The following GRIK4 variants were observed in gnomAD, a reference collection of about 807,000 sequenced individuals.
GRIK4 encodes the protein glutamate receptor ionotropic, kainate 4.
A neutral mutation model predicts 104.9 loss-of-function variants in GRIK4; 40 were observed. The ratio of observed to expected loss-of-function variants is 0.38; its 90% CI spans 0.30 to 0.50. The LOEUF (loss-of-function observed/expected upper bound fraction) is 0.50, where lower values mean the gene tolerates loss of function less well. Among genes scored for constraint, GRIK4 ranks in the 20% least tolerant of loss-of-function variants. The pLI is 0.93. For missense variants in GRIK4, 1,047 were observed against 1,308.1 expected (o/e 0.80, Z 3.08); for synonymous variants, 485 against 524.9 (o/e 0.92, Z 1.04).
chr11:120,678,629 T>G (rs548833479), intron 3 of GRIK4, among the ~76,000 whole-genome samples: 129 of 151,938 alleles, frequency 8.5e-4, no homozygotes, highest in South Asian at 1.5e-3. Context: ...GGTTTTTTTT[T>G]TTTTGTTTTA....
chr11:120,952,908 G>T lies in GRIK4; in HGVS notation c.1644G>T (p.Trp548Cys). 2 of 1,613,910 alleles carry T rather than the reference G, an allele frequency of 1.2e-6. No homozygotes were observed. The highest frequency in any genetic ancestry group is 1.7e-6 in the Non-Finnish European group (2 of 1,179,942). ...TGGACCCATTTTCTCCGGGCGTCTG[G>T]CTCTTCATGCTTCTAGCCTATCTGG... is the stretch of plus-strand genomic sequence containing the variant. ...SFLDPFSPGV[W>C]LFMLLAYLAV... Residue 548 changes from tryptophan (W) to cysteine (C), a missense_variant, in exon 15 of 21, where the codon TGG becomes TGT. Transcript: ENST00000527524. This position sits in a 1 kb window ranked among gnomAD's most constrained non-coding sequence, Gnocchi z 5.2.
At chr11:120,807,119 A>C (rs1420877779) in intron 4 of GRIK4, among the ~76,000 whole-genome samples, 1 of 152,158 alleles carries the variant, frequency 6.6e-6, no homozygotes, top group Non-Finnish European at 1.5e-5. Context: ...AGAGATGGAC[A>C]AGACCTATTA....
At chr11:120,866,459 C>T (rs993695355) in intron 9 of GRIK4, among the ~76,000 whole-genome samples, 1 of 152,178 alleles carries the variant, frequency 6.6e-6, no homozygotes, top group African/African-American at 2.4e-5. Flanking sequence ...AGAGGGTGTC[C>T]TGTCCTGAGG....
At chr11:120,601,502 CTGTT>C (rs1948886231) in intron 1 of GRIK4, among the ~76,000 whole-genome samples, 1 of 152,068 alleles carries the variant, frequency 6.6e-6, no homozygotes, top group South Asian at 2.1e-4. Context: ...ACATTAGTGG[CTGTT>C]TGTTTAAAGA....
chr11:120,837,681 CTT>C (rs67824241), intron 8 of GRIK4, among the ~76,000 whole-genome samples: 119 of 145,722 alleles, frequency 8.2e-4, no homozygotes, highest in Admixed American at 1.6e-3. Context: ...AACTTGTTTC[CTT>C]TTTTTTTTTT....
rs113005281 is a variant in GRIK4, at chr11:120,984,797, A to AAACAAAC, written c.2515-1105_2515-1104insCAAACAA. Reference sequence around the variant, plus strand: ...AAAAACCAAAAACAAACAAACAAACAAAAATGCAGGCCCATCTATATTCTT... The same window carrying AAACAAAC: ...AAAAACCAAAAACAAACAAACAAACAAACAAACAAAATGCAGGCCCATCTATATTCTT... On this transcript the variant is annotated intron_variant, in intron 20 of 20. Coordinates refer to ENST00000527524, the MANE Select transcript of GRIK4 (RefSeq NM_014619.5). Among the ~76,000 whole-genome samples the AAACAAAC allele has an allele frequency of 1.3e-4, 19 of 148,606 alleles. 1 individual carries two copies. The highest frequency in any genetic ancestry group is 4.0e-4 in the East Asian group (2 of 4,960).
chr11:120,844,795 A>G (rs1953811106), intron 8 of GRIK4, among the ~76,000 whole-genome samples: 1 of 152,200 alleles, frequency 6.6e-6, no homozygotes, highest in South Asian at 2.1e-4. Context: ...AGGGTGGTTT[A>G]GTTCAGGATC....
chr11:120,727,359 C>T (rs528164266), intron 3 of GRIK4, among the ~76,000 whole-genome samples: 49 of 152,248 alleles, frequency 3.2e-4, no homozygotes, highest in African/African-American at 1.1e-3. Context: ...GGGAGGGGAA[C>T]AGAACCAGGA....
At chr11:120,788,468 G>T (rs1298829011) in intron 3 of GRIK4, among the ~76,000 whole-genome samples, 1 of 152,170 alleles carries the variant, frequency 6.6e-6, no homozygotes, top group Non-Finnish European at 1.5e-5. Context: ...GCTAGTGCAG[G>T]TTTAGCCCAT....
intron 1 of GRIK4, among the ~76,000 whole-genome samples, chr11:120,537,975 C>T (rs578075583): frequency 2.0e-4 from 31 of 152,136 alleles, no homozygotes; most frequent in Non-Finnish European, 3.4e-4. Flanking sequence ...ATGGCAAGTC[C>T]GTGATGTATG....
chr11:120,890,056 C>G (rs1180046689), intron 11 of GRIK4, among the ~76,000 whole-genome samples: 1 of 152,128 alleles, frequency 6.6e-6, no homozygotes, highest in Non-Finnish European at 1.5e-5. Context: ...GAGGGTGGAA[C>G]TTGAACCCAA....
chr11:120,787,927 A>T (rs1375987926), intron 3 of GRIK4, among the ~76,000 whole-genome samples: 1 of 119,952 alleles, frequency 8.3e-6, no homozygotes, highest in African/African-American at 3.4e-5. Flanking sequence ...CAGTGGCATG[A>T]TCTCGGCTCA....
At chr11:120,985,470 G>A (rs1944726168) in intron 20 of GRIK4, among the ~76,000 whole-genome samples, 1 of 152,098 alleles carries the variant, frequency 6.6e-6, no homozygotes, top group Admixed American at 6.5e-5. Context: ...ATAGAGACAT[G>A]GTGGCCTTTT....
intron 9 of GRIK4, chr11:120,872,750 T>C: frequency 5.5e-6 from 1 of 180,364 alleles, no homozygotes. Context: ...TGCTAGGGTT[T>C]TGTTTGTTTG....
chr11:120,860,007 G>A (rs940843875), intron 8 of GRIK4, among the ~76,000 whole-genome samples: 9 of 152,224 alleles, frequency 5.9e-5, no homozygotes, highest in African/African-American at 2.2e-4. Flanking sequence ...GGATGCAAGG[G>A]TGGCGCCAGG....
At chr11:120,712,065 A>G (rs1480049847) in intron 3 of GRIK4, among the ~76,000 whole-genome samples, 1 of 152,270 alleles carries the variant, frequency 6.6e-6, no homozygotes, top group Non-Finnish European at 1.5e-5. Flanking sequence ...TGCTTCACGC[A>G]GCTTACACCC....
intron 8 of GRIK4, among the ~76,000 whole-genome samples, chr11:120,842,713 G>C (rs1462742302): frequency 1.3e-5 from 2 of 152,216 alleles, no homozygotes; most frequent in Admixed American, 1.3e-4. Flanking sequence ...TGCTTATTCG[G>C]CTCTTTACTC....
At chr11:120,914,683 C>T (rs536022342) in intron 13 of GRIK4, among the ~76,000 whole-genome samples, 38 of 152,170 alleles carry the variant, frequency 2.5e-4, no homozygotes, top group African/African-American at 7.7e-4. Flanking sequence ...AGGGGCCAGT[C>T]GTGATAGGGT....
intron 1 of GRIK4, among the ~76,000 whole-genome samples, chr11:120,595,219 C>T (rs539313241): frequency 5.9e-5 from 9 of 152,332 alleles, no homozygotes; most frequent in Non-Finnish European, 1.0e-4. Flanking sequence ...TCTCCTGCCT[C>T]GGGAGATGTG....
Sources: allele counts gnomAD v4.1 joint callset (sites outside exome capture counted in the v4.1 genomes callset), GRCh38; gene constraint gnomAD v4.1.1; non-coding constraint Gnocchi (gnomAD v3.1); transcripts MANE v1.5; gene names NCBI Gene and HGNC (gene_info 2026-07-23, HGNC 2026-07-21).